The following COL23A1 variants were observed in gnomAD, a reference collection of about 807,000 sequenced individuals.
COL23A1 encodes collagen type XXIII alpha 1 chain, also known as collagen alpha-1(XXIII) chain.
COL23A1 carries 97 observed loss-of-function variants against 99.3 expected under a neutral mutation model. That is an observed-to-expected ratio of 0.98 (90% CI 0.83 to 1.16). COL23A1 has a LOEUF of 1.16. COL23A1 is among the 50% of genes most tolerant of loss of function. The probability of loss-of-function intolerance (pLI) is 0.00; values close to 1 mark genes in which losing one functional copy is unlikely to be tolerated. For synonymous variants in COL23A1, 320 were observed against 308.2 expected (o/e 1.04, Z -0.40); for missense variants, 762 against 757.4 (o/e 1.01, Z -0.07).
intron 2 of COL23A1, among the ~76,000 whole-genome samples, chr5:178,537,798 C>T (rs1224891428): frequency 6.6e-6 from 1 of 152,230 alleles, no homozygotes; most frequent in Non-Finnish European, 1.5e-5. Context: ...CGTGGCATGA[C>T]GTTTCCCATG....
Position 178,308,208 on chromosome 5 carries a change from C to A in COL23A1, c.362-1289G>T, listed in dbSNP as rs1056149858. The stretch of plus-strand genomic sequence containing the variant: ...GGGAGGGCCAGTCTCTGAGAAACAG[C>A]GAGAGAGAAGAGATCCCTTCAGGTG... On this transcript the variant is annotated intron_variant, in intron 2 of 28. Transcript: ENST00000390654. The surrounding 1 kb of genome is among the most constrained non-coding windows in gnomAD (Gnocchi z 5.1). Among the ~76,000 whole-genome samples the A allele has an allele frequency of 1.3e-5, 2 of 151,918 alleles. No individual in the cohort carries two copies. The highest frequency in any genetic ancestry group is 4.8e-5 in the African/African-American group (2 of 41,328).
chr5:178,356,294 T>TGAAAAC, intron 2 of COL23A1, among the ~76,000 whole-genome samples: 1 of 152,264 alleles, frequency 6.6e-6, no homozygotes, highest in East Asian at 1.9e-4. Context: ...GCTGCACAAT[T>TGAAAAC]CTGAACACAC....
chr5:178,262,116 G>C (rs1007748282), intron 10 of COL23A1, 101 bp downstream of exon 10: 4 of 1,273,052 alleles, frequency 3.1e-6, no homozygotes, highest in Non-Finnish European at 4.5e-6. Context: ...ACATAAACAT[G>C]TGCGCGTGAC....
intron 2 of COL23A1, among the ~76,000 whole-genome samples, chr5:178,522,959 T>C (rs2672827): frequency 0.89 from 134,240 of 151,134 alleles, 59,747 homozygotes; most frequent in East Asian, 0.95. Context: ...CCCTGCCCTA[T>C]ACTCTATTTC....
intron 5 of COL23A1, among the ~76,000 whole-genome samples, chr5:178,287,819 G>A (rs74592225): frequency 0.01 from 1,588 of 152,342 alleles, 31 homozygotes; most frequent in African/African-American, 0.036. Context: ...TGCTGCTGAC[G>A]TGGTGCTCAC....
intron 5 of COL23A1, among the ~76,000 whole-genome samples, chr5:178,275,504 A>G (rs1756533037): frequency 6.6e-6 from 1 of 152,182 alleles, no homozygotes; most frequent in East Asian, 1.9e-4. Context: ...TAAACGTTAT[A>G]AAGTTAATTA....
In COL23A1 at chr5:178,384,583, A is replaced by G. The variant is rs974629152; in HGVS notation, c.362-77664T>C. Among the ~76,000 whole-genome samples the G allele has an allele frequency of 1.3e-5, 2 of 152,074 alleles. No individual in the cohort carries two copies. The highest frequency in any genetic ancestry group is 3.9e-4 in the East Asian group (2 of 5,156). On this transcript the variant is annotated intron_variant, in intron 2 of 28. Coordinates refer to ENST00000390654, the MANE Select transcript of COL23A1 (RefSeq NM_173465.4). The surrounding 1 kb of genome is among the most constrained non-coding windows in gnomAD (Gnocchi z 5.5). ...TACTTCCCTCCCTGCTCCTGCGCTG[A>G]TTCTGCTCCTGCCTCAGAGATCACG...
chr5:178,544,701 A>T lies in COL23A1; in HGVS notation c.361+15981T>A, dbSNP rs905888820. On this transcript the variant is annotated intron_variant, in intron 2 of 28. Coordinates refer to ENST00000390654, the MANE Select transcript of COL23A1 (RefSeq NM_173465.4). The surrounding 1 kb of genome is among the most constrained non-coding windows in gnomAD (Gnocchi z 4.4). ...GGGGCGGTCACCTTCCAGTCCTGTA[A>T]GTGGCAAAGCTCAGAGGCACTGTGG... Among the ~76,000 whole-genome samples, 7 of 152,156 alleles carry T rather than the reference A, an allele frequency of 4.6e-5. No individual in the cohort carries two copies. The highest frequency in any genetic ancestry group is 1.7e-4 in the African/African-American group (7 of 41,436).
chr5:178,529,146 C>T (rs576334821), intron 2 of COL23A1, among the ~76,000 whole-genome samples: 70 of 152,318 alleles, frequency 4.6e-4, no homozygotes, highest in African/African-American at 1.6e-3. Context: ...CGTCCAAGGA[C>T]TCTCTCCATG....
chr5:178,396,939 G>A (rs967199974), intron 2 of COL23A1, among the ~76,000 whole-genome samples: 6 of 152,354 alleles, frequency 3.9e-5, no homozygotes, highest in African/African-American at 1.4e-4. Context: ...GGCTTCCCTG[G>A]TGTCCAGTGA....
chr5:178,310,634 C>T lies in COL23A1; in HGVS notation c.362-3715G>A, dbSNP rs538804475. Among the ~76,000 whole-genome samples the T allele has an allele frequency of 3.9e-4, 59 of 152,206 alleles. No homozygotes were observed. Among genetic ancestry groups the T allele is most frequent in the African/African-American group, 1.2e-3 (49 of 41,544 alleles). Reference sequence around the variant, plus strand: ...CCCATATGCTGAGCTACCGGGCAGGCGGCCTTGGCGACCAGGGAGGCTGTT... The same window carrying T: ...CCCATATGCTGAGCTACCGGGCAGGTGGCCTTGGCGACCAGGGAGGCTGTT... On this transcript the variant is annotated intron_variant, in intron 2 of 28. Transcript: ENST00000390654. This position sits in a 1 kb window ranked among gnomAD's most constrained non-coding sequence, Gnocchi z 4.3.
intron 6 of COL23A1, among the ~76,000 whole-genome samples, chr5:178,269,393 A>ATCCATCCACCCC: frequency 1.3e-5 from 1 of 76,982 alleles, no homozygotes; most frequent in African/African-American, 4.5e-5. Context: ...CCATCCACCC[A>ATCCATCCACCCC]CCCATCCATC....
chr5:178,523,201 T>TATAGAGAGAGAGAGAGAG (rs1223542330), intron 2 of COL23A1, among the ~76,000 whole-genome samples: 1 of 77,632 alleles, frequency 1.3e-5, no homozygotes, highest in Non-Finnish European at 2.5e-5. Flanking sequence ...TATATATATA[T>TATAGAGAGAGAGAGAGAG]AGAGAGAGAG....
chr5:178,433,850 A>G (rs988325248), intron 2 of COL23A1, among the ~76,000 whole-genome samples: 1 of 152,168 alleles, frequency 6.6e-6, no homozygotes, highest in Non-Finnish European at 1.5e-5. Flanking sequence ...TGGAAACTTT[A>G]AGTGATTAAG....
intron 2 of COL23A1, among the ~76,000 whole-genome samples, chr5:178,487,146 G>A (rs1397929644): frequency 6.9e-6 from 1 of 144,768 alleles, no homozygotes; most frequent in Non-Finnish European, 1.5e-5. Flanking sequence ...CAGTGCCTGA[G>A]TGTTCTGCAC....
In COL23A1 at chr5:178,405,783, G is replaced by A. The variant is rs140680900; in HGVS notation, c.362-98864C>T. On this transcript the variant is annotated intron_variant, in intron 2 of 28. Coordinates refer to ENST00000390654, the MANE Select transcript of COL23A1 (RefSeq NM_173465.4). ...CCACTAGGAGTAATGGAAGAATATAGTAAAGAGAATAGATGAATATTTAAT... is the reference window on the plus strand; with the variant it reads ...CCACTAGGAGTAATGGAAGAATATAATAAAGAGAATAGATGAATATTTAAT... Among the ~76,000 whole-genome samples, 868 of 152,312 alleles carry A rather than the reference G, an allele frequency of 5.7e-3. 12 individuals are homozygous for A. Among genetic ancestry groups the A allele is most frequent in the African/African-American group, 0.019 (777 of 41,558 alleles).
In COL23A1 at chr5:178,366,020, C is replaced by T. The variant is rs1351203134; in HGVS notation, c.362-59101G>A. Among the ~76,000 whole-genome samples, 1 of 152,162 alleles carries T rather than the reference C, an allele frequency of 6.6e-6. No individual in the cohort carries two copies. Among genetic ancestry groups the T allele is most frequent in the Non-Finnish European group, 1.5e-5 (1 of 68,032 alleles). ...CACTCCTCACGGCCTGTGAGTTCACCTCTTCATCTGAGCTCGCTTCAGATG... is the reference window on the plus strand; with the variant it reads ...CACTCCTCACGGCCTGTGAGTTCACTTCTTCATCTGAGCTCGCTTCAGATG... On this transcript the variant is annotated intron_variant, in intron 2 of 28. Coordinates refer to ENST00000390654, the MANE Select transcript of COL23A1 (RefSeq NM_173465.4). The surrounding 1 kb of genome is among the most constrained non-coding windows in gnomAD (Gnocchi z 4.4).
intron 2 of COL23A1, among the ~76,000 whole-genome samples, chr5:178,547,605 ACACAC>A (rs1562076843): frequency 6.8e-4 from 3 of 4,444 alleles, no homozygotes; most frequent in Admixed American, 4.2e-3. Context: ...CCACCCACAC[ACACAC>A]CCCCCACACA....
At chr5:178,581,246 T>G (rs1327280299) in intron 1 of COL23A1, among the ~76,000 whole-genome samples, 2 of 152,200 alleles carry the variant, frequency 1.3e-5, no homozygotes, top group African/African-American at 2.4e-5. Context: ...AGGAGAAACC[T>G]GTCTGTCTCA....
Sources: gnomAD v4.1 joint callset for allele counts (sites outside exome capture counted in the v4.1 genomes callset) on GRCh38, gnomAD v4.1.1 for gene constraint, Gnocchi (gnomAD v3.1) non-coding constraint, MANE v1.5 for transcripts, NCBI Gene and HGNC (gene_info 2026-07-23, HGNC 2026-07-21) for gene names.